Variants in EGFL6 observed in about 807,000 individuals in gnomAD.
EGFL6 encodes the protein EGF like domain multiple 6.
In EGFL6, 42 loss-of-function variants were observed where a neutral mutation model predicts 43.1. That is an observed-to-expected ratio of 0.98 (90% CI 0.76 to 1.26). The LOEUF is 1.26. Among genes scored for constraint, EGFL6 ranks in the 50% most tolerant of loss-of-function variants. The pLI, the probability that EGFL6 is intolerant of heterozygous loss-of-function variation, is 0.00. For synonymous variants in EGFL6, 164 were observed against 163.2 expected, an observed-to-expected ratio of 1.01 and a Z score of -0.04; for missense variants, 429 against 427.8, an observed-to-expected ratio of 1.00 and a Z score of -0.02.
At chrX:13,585,151 A>G (rs1029929138) in intron 1 of EGFL6, among the ~76,000 whole-genome samples, 2 of 110,634 alleles carry the variant, frequency 1.8e-5, no homozygotes, top group Non-Finnish European at 1.9e-5. Flanking sequence ...GCCTCTGCCA[A>G]CCTCTCGGGG....
Position 13,593,441 on chromosome X carries a change from T to G in EGFL6, c.188-1395T>G, listed in dbSNP as rs758633903. 4.5e-5 allele frequency among the ~76,000 whole-genome samples: 5 copies of G among 110,274 alleles called. No individual in the cohort carries two copies. The South Asian group carries it at 2.0e-3, about 43-fold the overall frequency. ...ATCTTACGAGCAATTTGCAAGGGAG[T>G]GAGGGAGCATGGGAAGCGGCTAGGC... On this transcript the variant is annotated intron_variant, in intron 2 of 11. Transcript: ENST00000361306.
At chrX:13,628,841 G>A (rs769877548) in intron 11 of EGFL6, among the ~76,000 whole-genome samples, 32 of 112,018 alleles carry the variant, frequency 2.9e-4, no homozygotes, top group Admixed American at 1.3e-3. Context: ...CAAATGAAAA[G>A]TTTGGTCAAG....
chrX:13,600,128 T>C, intron 4 of EGFL6, 34 bp downstream of exon 4: 1 of 1,188,286 alleles, frequency 8.4e-7, no homozygotes, highest in South Asian at 1.9e-5. Flanking sequence ...TCTCAGTCAA[T>C]GTTTAAGGCT....
chrX:13,602,048 T>A (rs780450974), intron 4 of EGFL6, among the ~76,000 whole-genome samples: 7 of 111,491 alleles, frequency 6.3e-5, no homozygotes, highest in Non-Finnish European at 1.1e-4. Context: ...AATAAAGGAG[T>A]AATATAATCA....
At chrX:13,632,348 C>T (rs1322262842) in intron 11 of EGFL6, among the ~76,000 whole-genome samples, 2 of 92,364 alleles carry the variant, frequency 2.2e-5, no homozygotes, top group Admixed American at 1.3e-4. Context: ...GTCGCCCAGG[C>T]TGGAGTGCAG....
chrX:13,581,438 T>TA (rs201049817), intron 1 of EGFL6, among the ~76,000 whole-genome samples: 3,561 of 111,315 alleles, frequency 0.032, 134 homozygotes, highest in African/African-American at 0.11. Context: ...GGAGCTATGA[T>TA]AAAAAAAATA....
chrX:13,587,810 G>T (rs372611076), intron 1 of EGFL6, among the ~76,000 whole-genome samples: 1 of 111,823 alleles, frequency 8.9e-6, no homozygotes, highest in African/African-American at 3.3e-5. Context: ...GGCCCTTTTC[G>T]TCACTGTACT....
chrX:13,604,433 T>C (rs2045649428), intron 5 of EGFL6, among the ~76,000 whole-genome samples: 1 of 110,831 alleles, frequency 9.0e-6, no homozygotes, highest in South Asian at 3.8e-4. Flanking sequence ...TGCCCTTCAT[T>C]GATGGGAGGC....
intron 1 of EGFL6, among the ~76,000 whole-genome samples, chrX:13,581,407 T>G (rs964889638): frequency 9.0e-6 from 1 of 111,472 alleles, no homozygotes; most frequent in Non-Finnish European, 1.9e-5. Flanking sequence ...ACTGGCTAAG[T>G]ACAGTGAACT....
chrX:13,613,253 A>G (rs2045702503), intron 7 of EGFL6, among the ~76,000 whole-genome samples: 1 of 107,885 alleles, frequency 9.3e-6, no homozygotes. Flanking sequence ...CTACATTGCA[A>G]TATGGAAAAA....
At chrX:13,584,153 T>C (rs1015930225) in intron 1 of EGFL6, among the ~76,000 whole-genome samples, 7 of 111,945 alleles carry the variant, frequency 6.3e-5, no homozygotes, top group African/African-American at 2.3e-4. Flanking sequence ...AAAGACAAAG[T>C]AACTTGCTGA....
At chrX:13,616,484 C>T (rs777706077) in intron 7 of EGFL6, among the ~76,000 whole-genome samples, 1 of 110,378 alleles carries the variant, frequency 9.1e-6, no homozygotes, top group African/African-American at 3.3e-5. Context: ...GTGGCACGCA[C>T]CTGTGATCCC....
At chrX:13,610,431 G>A (rs1434746395) in intron 7 of EGFL6, among the ~76,000 whole-genome samples, 4 of 111,303 alleles carry the variant, frequency 3.6e-5, no homozygotes, top group Non-Finnish European at 7.5e-5. Context: ...CATTGGGCTG[G>A]AGATGGTATT....
At chrX:13,577,325 T>C (rs1220571741) in intron 1 of EGFL6, among the ~76,000 whole-genome samples, 3 of 17,210 alleles carry the variant, frequency 1.7e-4, no homozygotes, top group African/African-American at 4.4e-4. Flanking sequence ...TATATATATA[T>C]ATATATATAT....
At chrX:13,589,717 T>A (rs759552271) in intron 2 of EGFL6, 49 bp downstream of exon 2, 2 of 1,054,408 alleles carry the variant, frequency 1.9e-6, no homozygotes, top group Admixed American at 2.4e-5. Context: ...GGCCCTTAGG[T>A]TTTTATCTGT....
At chrX:13,606,301 A>G (rs781618958) in intron 5 of EGFL6, 78 bp from the exon 6 acceptor site, 181 of 1,055,022 alleles carry the variant, frequency 1.7e-4, no homozygotes, top group Admixed American at 2.6e-4. Flanking sequence ...AAAGAAAAGT[A>G]GCTGTGAGTG....
rs1315535221 is a variant in EGFL6 at position 13,608,338 on chromosome X, AC to A, written c.671del (p.Thr224IlefsTer43). The A allele has an allele frequency of 2.5e-6, 3 of 1,209,471 alleles. No homozygotes were observed. Among genetic ancestry groups the A allele is most frequent in the Non-Finnish European group, 3.4e-6 (3 of 894,988 alleles). On this transcript the variant is annotated frameshift_variant, in exon 7 of 12. Coordinates refer to ENST00000361306, the MANE Select transcript of EGFL6 (RefSeq NM_015507.4). LOFTEE classifies it high-confidence loss of function. The part of the protein sequence containing the change: ...RYDCIDINEC[T>X]MDSHTCSHHA... Reference sequence around the variant, plus strand: ...TTCTTTTTTAGATATAAATGAATGTACTATGGATAGCCATACGTGCAGCCAC... The same window carrying A: ...TTCTTTTTTAGATATAAATGAATGTATATGGATAGCCATACGTGCAGCCAC...
chrX:13,574,998 C>T (rs2045463730), intron 1 of EGFL6: 1 of 115,334 alleles, frequency 8.7e-6, no homozygotes, highest in Non-Finnish European at 1.8e-5. Flanking sequence ...ATTCTGCACA[C>T]TAGCTATCAT....
At chrX:13,596,607 A>T (rs975795173) in intron 3 of EGFL6, 1 of 111,828 alleles carries the variant, frequency 8.9e-6, no homozygotes, top group Non-Finnish European at 1.9e-5. Context: ...TGCAGTGACT[A>T]TACTGCATCC....
Sources: gnomAD v4.1 joint callset for allele counts (sites outside exome capture counted in the v4.1 genomes callset) on GRCh38, gnomAD v4.1.1 for gene constraint, MANE v1.5 for transcripts, NCBI Gene and HGNC (gene_info 2026-07-23, HGNC 2026-07-21) for gene names.